Variants in USP38 observed in about 807,000 individuals in gnomAD.
USP38 encodes the protein ubiquitin carboxyl-terminal hydrolase 38.
USP38 carries 49 observed loss-of-function variants against 94.3 expected under a neutral mutation model. That is an observed-to-expected ratio of 0.52 (90% CI 0.41 to 0.66). The LOEUF is 0.66. Among genes scored for constraint, USP38 ranks in the 30% least tolerant of loss-of-function variants. The probability of loss-of-function intolerance (pLI) is 0.00; values close to 1 mark genes in which losing one functional copy is unlikely to be tolerated. For synonymous variants in USP38, 468 were observed against 463.6 expected (o/e 1.01, Z -0.12); for missense variants, 1,128 against 1,229.4 (o/e 0.92, Z 1.23).
chr4:143,188,415 TG>T (rs1731294490), intron 2 of USP38, among the ~76,000 whole-genome samples: 1 of 152,100 alleles, frequency 6.6e-6, no homozygotes, highest in Non-Finnish European at 1.5e-5. Flanking sequence ...ATAGATGATT[TG>T]GCAAGATACA....
intron 9 of USP38, among the ~76,000 whole-genome samples, chr4:143,216,465 TAATA>T (rs953312274): frequency 6.0e-5 from 9 of 150,412 alleles, no homozygotes; most frequent in Non-Finnish European, 8.8e-5. Context: ...AAAAATACAA[TAATA>T]AATATTCAAT....
Position 143,214,660 on chromosome 4 carries a change from G to A in USP38, c.2684G>A (p.Ser895Asn). ...CAGAGTCATTTACTAGGGAGAGATA[G>A]TCCCAGTGCAGTTTTTGAACAGGAT... ...SSQSHLLGRD[S>N]PSAVFEQDLE... The change falls in exon 9 of 10, where the codon AGT becomes AAT. Residue 895 changes from serine to asparagine, a missense_variant. Physicochemically the swap from Ser to Asn is conservative, Grantham distance 46. Transcript: ENST00000307017. 1 of 1,613,702 alleles carries A rather than the reference G, an allele frequency of 6.2e-7. No individual in the cohort carries two copies.
intron 7 of USP38, among the ~76,000 whole-genome samples, chr4:143,210,796 G>T (rs1395833052): frequency 1.3e-5 from 2 of 151,938 alleles, no homozygotes; most frequent in Non-Finnish European, 2.9e-5. Flanking sequence ...CAGTTGATGG[G>T]AATGCTTTTG....
rs1374425955 is a variant in USP38 at position 143,214,426 on chromosome 4, G to A, written c.2450G>A (p.Ser817Asn). 4 of 1,613,744 alleles carry A rather than the reference G, an allele frequency of 2.5e-6. No homozygotes were observed. The highest frequency in any genetic ancestry group is 2.2e-5 in the South Asian group (2 of 91,072). ...GTAGATGTTGACTTCACTGATCTTA[G>A]TGAGAACCTTGCTAAAAAATTAAAG... Reference protein sequence around the residue: ...WSVDVDFTDLSENLAKKLKPS... With the variant: ...WSVDVDFTDLNENLAKKLKPS... The change falls in exon 9 of 10, where the codon AGT becomes AAT. Residue 817 changes from serine to asparagine, a missense_variant. Ser to Asn is a conservative substitution (Grantham distance 46). Coordinates refer to ENST00000307017, the MANE Select transcript of USP38 (RefSeq NM_032557.6).
intron 6 of USP38, among the ~76,000 whole-genome samples, chr4:143,206,846 G>A (rs1285597774): frequency 6.6e-6 from 1 of 152,090 alleles, no homozygotes; most frequent in Non-Finnish European, 1.5e-5. Context: ...CGTGTTTTGA[G>A]GGAAGTTATA....
At chr4:143,189,515 ACT>A (rs1731332875) in intron 2 of USP38, among the ~76,000 whole-genome samples, 1 of 151,848 alleles carries the variant, frequency 6.6e-6, no homozygotes, top group Non-Finnish European at 1.5e-5. Flanking sequence ...TACTAACTTC[ACT>A]CTCTGTAACA....
intron 2 of USP38, among the ~76,000 whole-genome samples, chr4:143,194,981 A>G (rs1381038313): frequency 4.6e-5 from 7 of 151,938 alleles, no homozygotes; most frequent in Admixed American, 4.6e-4. Context: ...AGCCATTACA[A>G]TATTTACAGA....
intron 9 of USP38, among the ~76,000 whole-genome samples, chr4:143,216,964 C>A (rs944452341): frequency 6.6e-6 from 1 of 152,064 alleles, no homozygotes; most frequent in Non-Finnish European, 1.5e-5. Flanking sequence ...CATACGCCAA[C>A]GTGCCTGGTA....
At chr4:143,213,418 C>T (rs989032346) in intron 8 of USP38, among the ~76,000 whole-genome samples, 163 bp from the exon 9 acceptor site, 3 of 152,082 alleles carry the variant, frequency 2.0e-5, no homozygotes, top group Admixed American at 1.3e-4. Context: ...TTTTTTTCTG[C>T]ATTCTCAAAA....
At chr4:143,198,612 T>C (rs1731623035) in intron 4 of USP38, among the ~76,000 whole-genome samples, 1 of 152,098 alleles carries the variant, frequency 6.6e-6, no homozygotes, top group Admixed American at 6.6e-5. Context: ...ATAACAAACT[T>C]TAGAGGAGAC....
At chr4:143,195,443 A>C (rs1315037859) in intron 2 of USP38, among the ~76,000 whole-genome samples, 1 of 152,254 alleles carries the variant, frequency 6.6e-6, no homozygotes, top group Non-Finnish European at 1.5e-5. Context: ...ATATAGCATA[A>C]ATTTTAAGTT....
chr4:143,188,118 G>T (rs1731282754), intron 2 of USP38, among the ~76,000 whole-genome samples, 157 bp downstream of exon 2: 1 of 152,038 alleles, frequency 6.6e-6, no homozygotes, highest in Admixed American at 6.5e-5. Context: ...TGTTTATAGC[G>T]TTGACAGGCA....
chr4:143,215,510 T>G (rs942810017), intron 9 of USP38: 5 of 152,168 alleles, frequency 3.3e-5, no homozygotes, highest in African/African-American at 1.2e-4. Flanking sequence ...TAAATATACT[T>G]TTTTCAAGGA....
chr4:143,206,164 T>C lies in USP38; in HGVS notation c.1341T>C (p.Leu447=). The C allele has an allele frequency of 6.2e-7, 1 of 1,613,792 alleles. No individual in the cohort carries two copies. Among genetic ancestry groups the C allele is most frequent in the Non-Finnish European group, 8.5e-7 (1 of 1,179,906 alleles). ...SGKSETGKTG[L]INLGNTCYMN... ...AATCTGAAACTGGGAAAACTGGTCT[T>C]ATTAACCTAGGAAATACATGTTATA... The change falls in exon 6 of 10, where the codon CTT becomes CTC. Residue 447 remains leucine, a synonymous_variant. Coordinates refer to ENST00000307017, the MANE Select transcript of USP38 (RefSeq NM_032557.6).
intron 3 of USP38, among the ~76,000 whole-genome samples, chr4:143,197,194 G>T (rs575695639): frequency 3.4e-4 from 52 of 152,308 alleles, no homozygotes; most frequent in Non-Finnish European, 5.4e-4. Context: ...AATGCCGTTT[G>T]CCCTGCCTAT....
intron 7 of USP38, 50 bp downstream of exon 7, chr4:143,209,707 T>C (rs1306394906): frequency 8.5e-7 from 1 of 1,173,664 alleles, no homozygotes; most frequent in Admixed American, 2.1e-5. Flanking sequence ...CGTGGTAATA[T>C]TCATTAAACT....
At chr4:143,210,217 A>G (rs186664156) in intron 7 of USP38, among the ~76,000 whole-genome samples, 1 of 152,338 alleles carries the variant, frequency 6.6e-6, no homozygotes, top group Admixed American at 6.5e-5. Flanking sequence ...AATGGCACCA[A>G]GGTGGTCATA....
chr4:143,190,212 G>A (rs1731355425), intron 2 of USP38, among the ~76,000 whole-genome samples: 2 of 152,010 alleles, frequency 1.3e-5, no homozygotes, highest in African/African-American at 4.8e-5. Flanking sequence ...TTTTACAGCT[G>A]GAAGTGAAAT....
intron 8 of USP38, 132 bp from the exon 9 acceptor site, chr4:143,213,449 T>G (rs1732083340): frequency 9.3e-7 from 1 of 1,076,338 alleles, no homozygotes; most frequent in Non-Finnish European, 1.3e-6. Flanking sequence ...TTCTTTTAAT[T>G]AAAACAGGAA....
Sources: gnomAD v4.1 joint callset for allele counts (sites outside exome capture counted in the v4.1 genomes callset) on GRCh38, gnomAD v4.1.1 for gene constraint, MANE v1.5 for transcripts, NCBI Gene and HGNC (gene_info 2026-07-23, HGNC 2026-07-21) for gene names.